Variants in LRP1B observed in about 807,000 individuals in gnomAD.
LRP1B encodes LDL receptor related protein 1B, also known as low-density lipoprotein receptor-related protein 1B.
In LRP1B, 217 loss-of-function variants were observed where a neutral mutation model predicts 556.6. That is an observed-to-expected ratio of 0.39 (90% CI 0.35 to 0.44). LRP1B has a LOEUF of 0.44. Among genes scored for constraint, LRP1B ranks in the 20% least tolerant of loss-of-function variants. The pLI, the probability that LRP1B is intolerant of heterozygous loss-of-function variation, is 1.00. For missense variants in LRP1B, 5,053 were observed against 5,620.8 expected (o/e 0.90, Z 3.23); for synonymous variants, 2,047 against 1,865.8 (o/e 1.10, Z -2.50).
At chr2:140,489,319 A>G (rs1472850195) in intron 57 of LRP1B, among the ~76,000 whole-genome samples, 1 of 152,028 alleles carries the variant, frequency 6.6e-6, no homozygotes. Flanking sequence ...TAAACAAGAG[A>G]CACAAGGCAA....
intron 63 of LRP1B, among the ~76,000 whole-genome samples, 168 bp downstream of exon 63, chr2:140,450,400 G>A (rs1296318821): frequency 6.6e-6 from 1 of 152,090 alleles, no homozygotes; most frequent in Admixed American, 6.6e-5. Context: ...GATAACCAAG[G>A]TATTACAACA....
chr2:141,154,498 C>G (rs1558897393), intron 7 of LRP1B, among the ~76,000 whole-genome samples: 1 of 151,794 alleles, frequency 6.6e-6, no homozygotes, highest in East Asian at 1.9e-4. Flanking sequence ...TTTCATCTCT[C>G]TATGGGCTAA....
intron 43 of LRP1B, among the ~76,000 whole-genome samples, chr2:140,596,342 A>G (rs1682439132): frequency 6.6e-6 from 1 of 152,136 alleles, no homozygotes; most frequent in African/African-American, 2.4e-5. Context: ...TCTCTATTAG[A>G]GAGCAGTTTT....
At position 141,464,606 on chromosome 2, in the gene LRP1B, A is replaced by ATTTTTTTTTTTTTTTTTTTTT. The variant is rs71391651; in HGVS notation, c.343+15789_343+15790insAAAAAAAAAAAAAAAAAAAAA. ...TTTGTATATATATATATATATATAT[A>ATTTTTTTTTTTTTTTTTTTTT]TTTTTTTAGTAGAGATGGGGTTTCA... On this transcript the variant is annotated intron_variant, in intron 3 of 90. Transcript: ENST00000389484. Among the ~76,000 whole-genome samples the ATTTTTTTTTTTTTTTTTTTTT allele has an allele frequency of 1.9e-3, 176 of 90,462 alleles. 3 individuals carry two copies. Among genetic ancestry groups the ATTTTTTTTTTTTTTTTTTTTT allele is most frequent in the African/African-American group, 2.9e-3 (68 of 23,354 alleles). The allele number at this position is 90,462 out of a possible 152,430, so 59.3% of individuals were successfully genotyped here. A position where few individuals can be genotyped will look rare whatever the true frequency, so the allele number is the denominator to read the frequency against.
At chr2:141,211,113 G>A (rs1573656733) in intron 6 of LRP1B, among the ~76,000 whole-genome samples, 1 of 151,750 alleles carries the variant, frequency 6.6e-6, no homozygotes, top group Admixed American at 6.6e-5. Context: ...ACAGCTTCCC[G>A]AGTAGCTGGG....
chr2:140,613,439 A>C (rs1016046761), intron 41 of LRP1B, among the ~76,000 whole-genome samples: 3 of 145,556 alleles, frequency 2.1e-5, no homozygotes, highest in Non-Finnish European at 4.5e-5. Flanking sequence ...AATTATATAC[A>C]TATAAATATA....
At chr2:142,059,548 T>TA (rs397732453) in intron 1 of LRP1B, among the ~76,000 whole-genome samples, 57 of 152,002 alleles carry the variant, frequency 3.7e-4, no homozygotes, top group African/African-American at 1.2e-3. Context: ...ATTGTTTTTT[T>TA]AAATATAGTA....
At chr2:141,883,340 T>G (rs974100697) in intron 1 of LRP1B, among the ~76,000 whole-genome samples, 1 of 152,214 alleles carries the variant, frequency 6.6e-6, no homozygotes, top group African/African-American at 2.4e-5. Context: ...ATAAGTGTTC[T>G]TGATGTATTT....
chr2:140,320,147 TTC>T (rs1472209900), intron 82 of LRP1B, among the ~76,000 whole-genome samples: 7 of 152,304 alleles, frequency 4.6e-5, no homozygotes, highest in Admixed American at 3.3e-4. Flanking sequence ...CTATAGGAAA[TTC>T]TGACTGATCC....
At chr2:141,378,468 A>G (rs1043369324) in intron 3 of LRP1B, among the ~76,000 whole-genome samples, 6 of 152,212 alleles carry the variant, frequency 3.9e-5, no homozygotes, top group Admixed American at 1.3e-4. Flanking sequence ...TGAGGCCAGG[A>G]GTTCAAGACC....
In LRP1B at chr2:140,247,050, T is replaced by C. The variant is rs143464439; in HGVS notation, c.13324+36A>G. On this transcript the variant is annotated intron_variant, in intron 87 of 90. Coordinates refer to ENST00000389484, the MANE Select transcript of LRP1B (RefSeq NM_018557.3). The stretch of plus-strand genomic sequence containing the variant: ...TGACATAACAATGATTTATATACAG[T>C]GTAGATTACCCAAAATATTAATCTG... 1.3e-5 allele frequency: 19 copies of C among 1,415,716 alleles called. 2 individuals carry two copies. The African/African-American group carries it at 2.4e-4, about 18-fold the overall frequency. 87.7% of individuals were successfully genotyped at this position (1,415,716 alleles called of 1,614,324 possible). A position where few individuals can be genotyped will look rare whatever the true frequency, so the allele number is the denominator to read the frequency against.
At chr2:140,694,293 A>T (rs1317868353) in intron 41 of LRP1B, among the ~76,000 whole-genome samples, 1 of 152,144 alleles carries the variant, frequency 6.6e-6, no homozygotes, top group Non-Finnish European at 1.5e-5. Flanking sequence ...AATTAGTGGG[A>T]ATACATAGAT....
chr2:140,429,221 T>TGAC (rs1685803841), intron 66 of LRP1B, among the ~76,000 whole-genome samples: 1 of 152,164 alleles, frequency 6.6e-6, no homozygotes, highest in African/African-American at 2.4e-5. Context: ...CTCCTTACAG[T>TGAC]TCCCCCATTT....
At chr2:140,509,083 A>AAACACACAC (rs1689543104) in intron 52 of LRP1B, among the ~76,000 whole-genome samples, 11 of 148,796 alleles carry the variant, frequency 7.4e-5, no homozygotes, top group South Asian at 6.4e-4. Context: ...CACACACACA[A>AAACACACAC]ACACACACAC....
chr2:141,956,134 A>T (rs1701245148), intron 1 of LRP1B, among the ~76,000 whole-genome samples: 1 of 151,880 alleles, frequency 6.6e-6, no homozygotes, highest in Admixed American at 6.6e-5. Flanking sequence ...TAGGAATTGA[A>T]TTTTTTTTGA....
At chr2:140,630,811 C>T (rs1315636204) in intron 41 of LRP1B, among the ~76,000 whole-genome samples, 1 of 152,162 alleles carries the variant, frequency 6.6e-6, no homozygotes, top group Non-Finnish European at 1.5e-5. Context: ...GGCAATTACC[C>T]AGCTCCTTCT....
chr2:140,558,375 T>C (rs1680809565), intron 43 of LRP1B, among the ~76,000 whole-genome samples: 2 of 152,194 alleles, frequency 1.3e-5, no homozygotes, highest in Admixed American at 6.5e-5. Flanking sequence ...TAATGATGAA[T>C]AAATGTGGTA....
intron 2 of LRP1B, among the ~76,000 whole-genome samples, chr2:141,710,626 A>G (rs1692322712): frequency 6.6e-6 from 1 of 152,196 alleles, no homozygotes; most frequent in South Asian, 2.1e-4. Flanking sequence ...TCATAGAGGA[A>G]GTACTAATGA....
At chr2:140,557,460 C>T (rs755251174) in intron 43 of LRP1B, among the ~76,000 whole-genome samples, 3 of 152,080 alleles carry the variant, frequency 2.0e-5, no homozygotes, top group African/African-American at 7.2e-5. Flanking sequence ...AAAGTGGCAT[C>T]TTTCCTATAT....
Sources: allele counts gnomAD v4.1 joint callset (sites outside exome capture counted in the v4.1 genomes callset), GRCh38; gene constraint gnomAD v4.1.1; transcripts MANE v1.5; gene names NCBI Gene and HGNC (gene_info 2026-07-23, HGNC 2026-07-21).